TULP4: variants seen among roughly 807,000 people sequenced by gnomAD.
The protein encoded by TULP4 is TUB like protein 4.
TULP4 carries 16 observed loss-of-function variants against 129.0 expected under a neutral mutation model. The ratio of observed to expected loss-of-function variants is 0.12; its 90% CI spans 0.08 to 0.19. The LOEUF is 0.19. Ranked by LOEUF, TULP4 falls within the 10% of genes least tolerant of loss-of-function variation. TULP4 has a pLI of 1.00. For synonymous variants in TULP4, 998 were observed against 854.0 expected (o/e 1.17, Z -2.94); for missense variants, 1,842 against 2,059.1 (o/e 0.89, Z 2.04).
chr6:158,494,044 C>G (rs753095862), intron 10 of TULP4, among the ~76,000 whole-genome samples: 181 of 152,178 alleles, frequency 1.2e-3, no homozygotes, highest in Non-Finnish European at 2.0e-3. Context: ...GCAGCCACAC[C>G]TGGTTCTCAC....
At chr6:158,376,716 T>C (rs1777199969) in intron 1 of TULP4, among the ~76,000 whole-genome samples, 2 of 152,192 alleles carry the variant, frequency 1.3e-5, no homozygotes, top group Non-Finnish European at 2.9e-5. Context: ...CAGCCTCTGT[T>C]GTGGGATATC....
At chr6:158,388,653 G>GAAA (rs11424136) in intron 1 of TULP4, among the ~76,000 whole-genome samples, 14 of 142,464 alleles carry the variant, frequency 9.8e-5, no homozygotes, top group Non-Finnish European at 1.4e-4. Context: ...TTTTCTAATG[G>GAAA]AAAAAAAAAA....
At chr6:158,371,706 C>G (rs1268650088) in intron 1 of TULP4, among the ~76,000 whole-genome samples, 1 of 152,110 alleles carries the variant, frequency 6.6e-6, no homozygotes. Flanking sequence ...CAAAATAAGT[C>G]TTTTTTGGTA....
At chr6:158,256,153 G>C (rs935320572) in intron 1 of TULP4, among the ~76,000 whole-genome samples, 1 of 152,212 alleles carries the variant, frequency 6.6e-6, no homozygotes, top group Non-Finnish European at 1.5e-5. Flanking sequence ...TGCTGAGCAG[G>C]CAAGGAGCAG....
intron 1 of TULP4, among the ~76,000 whole-genome samples, chr6:158,375,497 T>C (rs972132205): frequency 6.6e-6 from 1 of 151,818 alleles, no homozygotes; most frequent in African/African-American, 2.4e-5. Context: ...ATGAGAAGGG[T>C]GTGCAAGGTG....
chr6:158,494,692 G>A, intron 10 of TULP4, 61 bp from the exon 11 acceptor site: 1 of 1,455,900 alleles, frequency 6.9e-7, no homozygotes, highest in Non-Finnish European at 9.6e-7. Context: ...CTTACTGAGT[G>A]ACCAGTTGAA....
intron 1 of TULP4, among the ~76,000 whole-genome samples, chr6:158,271,257 CAT>C (rs201189508): frequency 0.03 from 4,610 of 151,560 alleles, 91 homozygotes; most frequent in Non-Finnish European, 0.04. Context: ...TGTTGCTTCT[CAT>C]GTGGTAATGA....
chr6:158,258,998 G>C (rs1778300085), intron 1 of TULP4, among the ~76,000 whole-genome samples: 1 of 152,178 alleles, frequency 6.6e-6, no homozygotes, highest in Non-Finnish European at 1.5e-5. Flanking sequence ...GGGAGGCTGA[G>C]GCGGGTGGAT....
chr6:158,316,639 C>G (rs1367273216), intron 1 of TULP4, among the ~76,000 whole-genome samples: 1 of 151,998 alleles, frequency 6.6e-6, no homozygotes, highest in African/African-American at 2.4e-5. Context: ...TGTAACAAAT[C>G]ACCCCAGACT....
chr6:158,335,884 T>C (rs552847830), intron 1 of TULP4, among the ~76,000 whole-genome samples: 1 of 152,376 alleles, frequency 6.6e-6, no homozygotes, highest in Admixed American at 6.5e-5. Context: ...TCCTGTATTT[T>C]GCAATTACAG....
intron 4 of TULP4, among the ~76,000 whole-genome samples, chr6:158,451,399 G>C (rs1779159937): frequency 6.6e-6 from 1 of 152,224 alleles, no homozygotes; most frequent in South Asian, 2.1e-4. Flanking sequence ...GCTAAGATGA[G>C]CCCAGTGTGG....
intron 1 of TULP4, among the ~76,000 whole-genome samples, chr6:158,243,340 TTC>T (rs922442302): frequency 2.6e-5 from 4 of 152,136 alleles, no homozygotes; most frequent in Non-Finnish European, 4.4e-5. Flanking sequence ...TAAAAATTTT[TTC>T]TTAGTATCAT....
Position 158,313,485 on chromosome 6 carries a change from A to G in TULP4, c.-532A>G. 1 of 400,432 alleles carries G rather than the reference A, an allele frequency of 2.5e-6. No individual in the cohort carries two copies. The highest frequency in any genetic ancestry group is 4.4e-6 in the Non-Finnish European group (1 of 227,328). The allele number at this position is 400,432 out of a possible 1,614,324, so 24.8% of individuals were successfully genotyped here. On this transcript the variant is annotated 5_prime_UTR_variant, in exon 1 of 14. Transcript: ENST00000367097. ...AAACATGCTAGAGGGTGGCTTCAGA[A>G]GGAAGATGATCCTGTGTATTCTGTC...
At chr6:158,364,361 C>T (rs1340724703) in intron 1 of TULP4, among the ~76,000 whole-genome samples, 1 of 152,164 alleles carries the variant, frequency 6.6e-6, no homozygotes, top group Non-Finnish European at 1.5e-5. Flanking sequence ...AAAACAAGTC[C>T]TTTATTCTGT....
upstream of TULP4, among the ~76,000 whole-genome samples, chr6:158,278,898 C>T (rs1407187289): frequency 1.3e-5 from 2 of 151,520 alleles, no homozygotes; most frequent in South Asian, 4.2e-4. Context: ...TACGTAGGCC[C>T]CATGGGGATC....
intron 1 of TULP4, among the ~76,000 whole-genome samples, chr6:158,236,795 C>CTTTCTTTTTTTTTTT: frequency 1.6e-5 from 1 of 63,302 alleles, no homozygotes; most frequent in East Asian, 3.2e-4. Flanking sequence ...CAATTCTTTT[C>CTTTCTTTTTTTTTTT]TTTTTTTTTT....
At chr6:158,343,841 T>G (rs1393607563) in intron 1 of TULP4, among the ~76,000 whole-genome samples, 2 of 152,156 alleles carry the variant, frequency 1.3e-5, no homozygotes, top group Non-Finnish European at 2.9e-5. Flanking sequence ...ACTAACAAAG[T>G]GAAGTGCATG....
chr6:158,242,596 T>G (rs1777944605), intron 1 of TULP4: 1 of 715,374 alleles, frequency 1.4e-6, no homozygotes, highest in Non-Finnish European at 2.6e-6. Context: ...AGAGAGTTAT[T>G]GGCTAACAGT....
chr6:158,385,202 TACC>T (rs1218212193), intron 1 of TULP4, among the ~76,000 whole-genome samples: 2 of 152,268 alleles, frequency 1.3e-5, no homozygotes, highest in East Asian at 3.9e-4. Context: ...TCACCGAAAG[TACC>T]ATCTTGATAA....
Sources: gnomAD v4.1 joint callset for allele counts (sites outside exome capture counted in the v4.1 genomes callset) on GRCh38, gnomAD v4.1.1 for gene constraint, MANE v1.5 for transcripts, NCBI Gene and HGNC (gene_info 2026-07-23, HGNC 2026-07-21) for gene names.